C8orf34: variants seen among roughly 807,000 people sequenced by gnomAD.
C8orf34 encodes uncharacterized protein C8orf34.
C8orf34 carries 65 observed loss-of-function variants against 68.3 expected under a neutral mutation model. The ratio of observed to expected loss-of-function variants is 0.95; its 90% confidence interval spans 0.78 to 1.17. C8orf34 has a LOEUF of 1.17. Among genes scored for constraint, C8orf34 ranks in the 50% most tolerant of loss-of-function variants. The pLI is 0.00. For missense variants in C8orf34, 664 were observed against 655.4 expected (o/e 1.01, Z -0.14); for synonymous variants, 244 against 241.2 (o/e 1.01, Z -0.11).
rs555462629 is a variant in C8orf34, at chr8:68,649,752, C to T, written c.1241+9241C>T. Among the ~76,000 whole-genome samples the T allele has an allele frequency of 1.8e-3, 267 of 152,290 alleles. 1 individual carries two copies. Among genetic ancestry groups the T allele is most frequent in the African/African-American group, 6.3e-3 (262 of 41,552 alleles). ...GTGTGCACACTCACACACACCATCT[C>T]AAAGCCTTTCTTGTTACATGACAAA... is the stretch of plus-strand genomic sequence containing the variant. On this transcript the variant is annotated intron_variant, in intron 8 of 13. Coordinates refer to ENST00000518698, the MANE Select transcript of C8orf34 (RefSeq NM_052958.4).
chr8:68,605,329 A>G (rs1363500562), intron 7 of C8orf34, among the ~76,000 whole-genome samples: 1 of 152,154 alleles, frequency 6.6e-6, no homozygotes, highest in Non-Finnish European at 1.5e-5. Flanking sequence ...ATATACTTTT[A>G]CCATATAATT....
intron 12 of C8orf34, among the ~76,000 whole-genome samples, chr8:68,810,914 A>G (rs564849640): frequency 4.6e-5 from 7 of 152,276 alleles, no homozygotes; most frequent in East Asian, 1.9e-4. Context: ...GAGAAGCATC[A>G]TAAGTTCTCA....
chr8:68,696,267 G>T (rs1820832020), intron 8 of C8orf34, among the ~76,000 whole-genome samples: 1 of 147,268 alleles, frequency 6.8e-6, no homozygotes, highest in African/African-American at 2.5e-5. Flanking sequence ...TAATAAATAT[G>T]AACAGTAAAG....
At chr8:68,499,377 T>A (rs1554565623) in intron 5 of C8orf34, among the ~76,000 whole-genome samples, 1 of 152,188 alleles carries the variant, frequency 6.6e-6, no homozygotes, top group Non-Finnish European at 1.5e-5. Context: ...TGGCTTCTCC[T>A]GGCAAAATCT....
chr8:68,394,094 T>C (rs1184647199), intron 1 of C8orf34, among the ~76,000 whole-genome samples: 2 of 152,056 alleles, frequency 1.3e-5, no homozygotes, highest in Non-Finnish European at 2.9e-5. Flanking sequence ...GCCATTTTTT[T>C]TTTATTATTA....
intron 1 of C8orf34, among the ~76,000 whole-genome samples, chr8:68,333,350 T>C (rs1311705586): frequency 1.3e-5 from 2 of 152,198 alleles, no homozygotes; most frequent in African/African-American, 4.8e-5. Flanking sequence ...ACATATGACA[T>C]ACACTGGCAT....
At chr8:68,748,691 C>T (rs1248460531) in intron 10 of C8orf34, among the ~76,000 whole-genome samples, 1 of 151,624 alleles carries the variant, frequency 6.6e-6, no homozygotes, top group African/African-American at 2.4e-5. Context: ...AATGAGATAC[C>T]ATCTCACACC....
chr8:68,486,108 T>C (rs1813067582), intron 4 of C8orf34, among the ~76,000 whole-genome samples: 1 of 152,234 alleles, frequency 6.6e-6, no homozygotes, highest in South Asian at 2.1e-4. Context: ...TTTCTTAACA[T>C]CTGAGTTATT....
chr8:68,614,393 G>A (rs865818021), intron 7 of C8orf34, among the ~76,000 whole-genome samples: 2 of 152,080 alleles, frequency 1.3e-5, no homozygotes, highest in Non-Finnish European at 2.9e-5. Flanking sequence ...GTAATGCCTA[G>A]GTTTTCTTCT....
At chr8:68,447,283 C>G (rs1586159201) in intron 3 of C8orf34, 1 of 152,220 alleles carries the variant, frequency 6.6e-6, no homozygotes, top group Non-Finnish European at 1.5e-5. Context: ...ACCCCCATAA[C>G]CCAAATACCT....
At chr8:68,722,017 GTATGTGTCTA>G (rs1357640098) in intron 10 of C8orf34, among the ~76,000 whole-genome samples, 3 of 151,970 alleles carry the variant, frequency 2.0e-5, no homozygotes, top group Admixed American at 6.6e-5. Context: ...GACTGGGTTT[GTATGTGTCTA>G]TATTCTCTGT....
chr8:68,509,865 A>G (rs578210794), intron 5 of C8orf34, among the ~76,000 whole-genome samples: 114 of 152,270 alleles, frequency 7.5e-4, no homozygotes, highest in Admixed American at 1.4e-3. Context: ...ACTTGCACCC[A>G]TGAAGCAGGG....
At chr8:68,397,847 C>A (rs1392308292) in intron 1 of C8orf34, among the ~76,000 whole-genome samples, 1 of 152,162 alleles carries the variant, frequency 6.6e-6, no homozygotes. Context: ...CAGCTCACTG[C>A]AACCTCCACC....
At chr8:68,785,569 A>C (rs554216611) in intron 11 of C8orf34, among the ~76,000 whole-genome samples, 1 of 152,346 alleles carries the variant, frequency 6.6e-6, no homozygotes, top group African/African-American at 2.4e-5. Context: ...AAAGTTAGTT[A>C]GGTTAGCACC....
chr8:68,417,181 A>G (rs922890298), intron 1 of C8orf34, among the ~76,000 whole-genome samples: 16 of 152,306 alleles, frequency 1.1e-4, no homozygotes, highest in African/African-American at 2.6e-4. Flanking sequence ...TATTTTTAAG[A>G]AGTTAATGGG....
intron 1 of C8orf34, among the ~76,000 whole-genome samples, chr8:68,423,843 C>T (rs1339025150): frequency 6.6e-6 from 1 of 152,120 alleles, no homozygotes; most frequent in East Asian, 1.9e-4. Context: ...AATCTCTTCA[C>T]AGGGCAGCAG....
rs542976941 is a variant in C8orf34, at chr8:68,339,053, T to C, written c.327+7714T>C. ...GTCCAAATATGTTGCCCATTTTTAT[T>C]TGGGTTGTTTTGGGGGTTTAAGAAT... On this transcript the variant is annotated intron_variant, in intron 1 of 13. Transcript: ENST00000518698. Among the ~76,000 whole-genome samples, 435 of 152,260 alleles carry C rather than the reference T, an allele frequency of 2.9e-3. 5 individuals are homozygous for C. Among genetic ancestry groups the C allele is most frequent in the African/African-American group, 1.0e-2 (415 of 41,582 alleles).
chr8:68,540,317 T>A (rs1240391755), intron 7 of C8orf34, among the ~76,000 whole-genome samples: 1 of 150,900 alleles, frequency 6.6e-6, no homozygotes, highest in Non-Finnish European at 1.5e-5. Context: ...GTATTTCTTA[T>A]ATCTAGTATG....
At chr8:68,456,106 A>G (rs1382684742) in intron 3 of C8orf34, among the ~76,000 whole-genome samples, 4 of 149,480 alleles carry the variant, frequency 2.7e-5, no homozygotes, top group African/African-American at 9.8e-5. Flanking sequence ...AAAAAAAAAA[A>G]TTAGCAGGGC....
Sources: allele counts gnomAD v4.1 joint callset (sites outside exome capture counted in the v4.1 genomes callset), GRCh38; gene constraint gnomAD v4.1.1; transcripts MANE v1.5; gene names NCBI Gene and HGNC (gene_info 2026-07-23, HGNC 2026-07-21).